IQSEC2: variants seen among roughly 807,000 people sequenced by gnomAD.
IQSEC2 encodes IQ motif and SEC7 domain-containing protein 2.
A neutral mutation model predicts 74.6 loss-of-function variants in IQSEC2; 6 were observed. The ratio of observed to expected loss-of-function variants is 0.08; its 90% CI spans 0.04 to 0.16. IQSEC2 has a LOEUF of 0.16. Among genes scored for constraint, IQSEC2 ranks in the 10% least tolerant of loss-of-function variants. IQSEC2 has a pLI of 1.00. For missense variants in IQSEC2, 734 were observed against 1,306.2 expected, an observed-to-expected ratio of 0.56 and a Z score of 6.75; for synonymous variants, 494 against 544.5, an observed-to-expected ratio of 0.91 and a Z score of 1.29.
At chrX:53,255,425 A>G (rs1485030376) in intron 3 of IQSEC2, among the ~76,000 whole-genome samples, 3 of 111,243 alleles carry the variant, frequency 2.7e-5, no homozygotes, top group East Asian at 2.8e-4. Flanking sequence ...TCCTATATGT[A>G]GTATTTTGTT....
downstream of IQSEC2, among the ~76,000 whole-genome samples, chrX:53,228,148 T>C (rs1556857968): frequency 9.0e-6 from 1 of 111,473 alleles, no homozygotes; most frequent in African/African-American, 3.3e-5. Flanking sequence ...GAGATAATGA[T>C]GACTGCCATT....
chrX:53,278,408 C>A (rs2074880253), intron 2 of IQSEC2, among the ~76,000 whole-genome samples: 1 of 111,512 alleles, frequency 9.0e-6, no homozygotes, highest in African/African-American at 3.3e-5. Flanking sequence ...TAGCCTTTTT[C>A]TTAGTCATAT....
At chrX:53,240,065 G>C (rs1410098466) in intron 10 of IQSEC2, among the ~76,000 whole-genome samples, 1 of 111,633 alleles carries the variant, frequency 9.0e-6, no homozygotes, top group Non-Finnish European at 1.9e-5. Context: ...CACATTGACT[G>C]TGTGGGCCAG....
At chrX:53,254,409 C>A in intron 4 of IQSEC2, 121 bp downstream of exon 4, 1 of 575,594 alleles carries the variant, frequency 1.7e-6, no homozygotes, top group Admixed American at 3.6e-5. Context: ...CAAATGGTAG[C>A]TATTTGCTGT....
intron 1 of IQSEC2, among the ~76,000 whole-genome samples, chrX:53,306,071 A>T (rs782155154): frequency 8.9e-6 from 1 of 112,519 alleles, no homozygotes; most frequent in Non-Finnish European, 1.9e-5. Context: ...CTGGAGGCAG[A>T]GAGATAGAGG....
intron 2 of IQSEC2, among the ~76,000 whole-genome samples, chrX:53,289,853 G>A (rs781990865): frequency 9.0e-6 from 1 of 111,633 alleles, no homozygotes; most frequent in Non-Finnish European, 1.9e-5. Flanking sequence ...ACAGCCCAAG[G>A]CACTGACTCT....
At position 53,248,504 on chromosome X, in the gene IQSEC2, A is replaced by T. The variant is rs2074339804; in HGVS notation, c.2459+217T>A. Among the ~76,000 whole-genome samples the T allele has an allele frequency of 2.7e-5, 3 of 111,897 alleles. No homozygotes were observed. In the South Asian group the frequency reaches 1.1e-3, roughly 42 times the overall value. On this transcript the variant is annotated intron_variant, in intron 6 of 14. Transcript: ENST00000642864. ...ACTGAGGCCCAAAACAGGCTACAGG[A>T]TGAGCATGTCTTGCCCAGGGCCACC...
chrX:53,233,618 G>C lies in IQSEC2; in HGVS notation c.*601C>G. ...CTCGAGAGAGGAAGCACTGCCCCACGTGGGGCCAACACAAGCAGGGTCCCA... is the reference window on the plus strand; with the variant it reads ...CTCGAGAGAGGAAGCACTGCCCCACCTGGGGCCAACACAAGCAGGGTCCCA... On this transcript the variant is annotated 3_prime_UTR_variant, in exon 15 of 15. Transcript: ENST00000642864. 1 of 242,485 alleles carries C rather than the reference G, an allele frequency of 4.1e-6. No homozygotes were observed. Among genetic ancestry groups the C allele is most frequent in the East Asian group, 6.3e-5 (1 of 15,798 alleles). The allele number at this position is 242,485 out of a possible 1,213,427, so 20.0% of individuals were successfully genotyped here.
At chrX:53,280,003 C>T (rs2074925060) in intron 2 of IQSEC2, among the ~76,000 whole-genome samples, 1 of 108,050 alleles carries the variant, frequency 9.3e-6, no homozygotes, top group African/African-American at 3.4e-5. Context: ...GAGAGGACGG[C>T]ACTCGAACCA....
intron 9 of IQSEC2, 49 bp downstream of exon 9, chrX:53,243,283 A>C: frequency 9.1e-7 from 1 of 1,094,964 alleles, no homozygotes. Flanking sequence ...ACTTAGTGGC[A>C]GAGGCAGACC....
rs1352868484 is a variant in IQSEC2, at chrX:53,270,761, C to G, written c.738-14700G>C. ...ATTCAGTGAATGAATGAATCCAGTGCCAGGCATGAACACTTGAACTTACTG... is the reference window on the plus strand; with the variant it reads ...ATTCAGTGAATGAATGAATCCAGTGGCAGGCATGAACACTTGAACTTACTG... On this transcript the variant is annotated intron_variant, in intron 2 of 14. Coordinates refer to ENST00000642864, the MANE Select transcript of IQSEC2 (RefSeq NM_001111125.3). 4.5e-5 allele frequency among the ~76,000 whole-genome samples: 5 copies of G among 111,850 alleles called. No homozygotes were observed. In the East Asian group the frequency reaches 1.1e-3, roughly 25 times the overall value.
downstream of IQSEC2, chrX:53,225,819 A>C (rs2074032752): frequency 1.8e-5 from 2 of 112,243 alleles, no homozygotes; most frequent in South Asian, 7.3e-4. Context: ...CAAGTAAAGG[A>C]AGGAAATCTT....
rs1012486612 is a variant in IQSEC2 at position 53,250,728 on chromosome X, G to A, written c.1848C>T (p.His616=). 6.6e-6 allele frequency: 8 copies of A among 1,211,675 alleles called. No individual in the cohort carries two copies. The highest frequency in any genetic ancestry group is 7.8e-6 in the Non-Finnish European group (7 of 895,416). The change falls in exon 5 of 15, where the codon CAC becomes CAT. Residue 616 remains histidine, a synonymous_variant. Transcript: ENST00000642864. ...CATCAGCCTCATACACCAGCTGGCG[G>A]TGGACAGAGCCGCGATCTGAGCGGT... The part of the protein sequence containing the change: ...LSDRSDRGSV[H]RQLVYEADGC...
At chrX:53,295,112 T>G (rs967808183) in intron 1 of IQSEC2, among the ~76,000 whole-genome samples, 4 of 111,807 alleles carry the variant, frequency 3.6e-5, no homozygotes, top group Non-Finnish European at 7.5e-5. Flanking sequence ...CATGAGCCAC[T>G]GCACCTGGCC....
intron 2 of IQSEC2, among the ~76,000 whole-genome samples, chrX:53,260,068 C>G (rs113227737): frequency 0.025 from 2,778 of 111,576 alleles, 88 homozygotes; most frequent in African/African-American, 0.086. Context: ...TGGAGGCTTA[C>G]AGAAGAAAGA....
chrX:53,302,077 G>A (rs910169984), intron 1 of IQSEC2, among the ~76,000 whole-genome samples: 3 of 111,813 alleles, frequency 2.7e-5, no homozygotes, highest in Non-Finnish European at 3.8e-5. Flanking sequence ...GATAATAATA[G>A]CACTAATATG....
chrX:53,274,939 C>A (rs1386773952), intron 2 of IQSEC2, among the ~76,000 whole-genome samples: 1 of 111,355 alleles, frequency 9.0e-6, no homozygotes, highest in Non-Finnish European at 1.9e-5. Context: ...GAGATATTAA[C>A]CTTTTGCCTG....
At chrX:53,283,826 G>C (rs1042536964) in intron 2 of IQSEC2, among the ~76,000 whole-genome samples, 5 of 112,331 alleles carry the variant, frequency 4.5e-5, no homozygotes, top group Non-Finnish European at 7.5e-5. Context: ...TGCTCTCATG[G>C]AGCTTATATC....
chrX:53,309,300 C>T (rs150975094), intron 1 of IQSEC2, among the ~76,000 whole-genome samples: 33 of 112,148 alleles, frequency 2.9e-4, no homozygotes, highest in African/African-American at 1.1e-3. Flanking sequence ...GTGGTTGCAT[C>T]TGGGGCTGAG....
Sources: allele counts gnomAD v4.1 joint callset (sites outside exome capture counted in the v4.1 genomes callset), GRCh38; gene constraint gnomAD v4.1.1; transcripts MANE v1.5; gene names NCBI Gene and HGNC (gene_info 2026-07-23, HGNC 2026-07-21).